Variants in ZCCHC14 observed in about 807,000 individuals in gnomAD.
ZCCHC14 encodes the protein zinc finger CCHC domain-containing protein 14.
Under a neutral mutation model 85.0 loss-of-function variants are expected in ZCCHC14, and 16 were observed. That is an observed-to-expected ratio of 0.19 (90% CI 0.13 to 0.29). ZCCHC14 has a LOEUF of 0.29. Ranked by LOEUF, ZCCHC14 falls within the 10% of genes least tolerant of loss-of-function variation. ZCCHC14 has a pLI of 1.00. For synonymous variants in ZCCHC14, 775 were observed against 630.7 expected (o/e 1.23, Z -3.43); for missense variants, 1,303 against 1,443.5 (o/e 0.90, Z 1.58).
chr16:87,467,559 C>A (rs1313423650), intron 1 of ZCCHC14: 15 of 1,568,716 alleles, frequency 9.6e-6, no homozygotes, highest in Non-Finnish European at 1.3e-5. Context: ...TGTCATCCCA[C>A]CAATTCCCGT....
At chr16:87,418,383 C>T (rs987831660) in intron 7 of ZCCHC14, among the ~76,000 whole-genome samples, 9 of 152,182 alleles carry the variant, frequency 5.9e-5, no homozygotes, top group East Asian at 1.9e-4. Context: ...CGAAACCTCG[C>T]GCCCAGACAA....
intron 11 of ZCCHC14, 28 bp downstream of exon 11, chr16:87,413,027 C>A: frequency 1.2e-6 from 2 of 1,614,092 alleles, no homozygotes; most frequent in South Asian, 2.2e-5. Flanking sequence ...TGGGCCAGGT[C>A]GAGCCAGCGC....
At chr16:87,464,636 C>T (rs556318430) in intron 1 of ZCCHC14, among the ~76,000 whole-genome samples, 2 of 152,336 alleles carry the variant, frequency 1.3e-5, no homozygotes, top group South Asian at 4.1e-4. Flanking sequence ...AGAATGGCAA[C>T]TGCTGGAAAA....
chr16:87,468,378 T>C (rs1333907607), intron 1 of ZCCHC14, among the ~76,000 whole-genome samples: 1 of 152,156 alleles, frequency 6.6e-6, no homozygotes, highest in Non-Finnish European at 1.5e-5. Context: ...AGAGTATGTG[T>C]CATCACATTG....
chr16:87,474,447 G>T (rs553576973), intron 1 of ZCCHC14: 12 of 152,248 alleles, frequency 7.9e-5, no homozygotes, highest in African/African-American at 2.9e-4. Context: ...ATTTATTTCT[G>T]CAACCCCTGG....
chr16:87,475,762 C>T (rs368034706), intron 1 of ZCCHC14, among the ~76,000 whole-genome samples: 1 of 152,042 alleles, frequency 6.6e-6, no homozygotes, highest in Non-Finnish European at 1.5e-5. Flanking sequence ...GCTTCAGGGA[C>T]AATATCACAC....
At chr16:87,461,687 G>C (rs750709463) in intron 1 of ZCCHC14, among the ~76,000 whole-genome samples, 2 of 152,244 alleles carry the variant, frequency 1.3e-5, no homozygotes, top group Non-Finnish European at 2.9e-5. Flanking sequence ...CAGACAGGAT[G>C]AAAGTGGAGG....
chr16:87,429,912 C>T (rs1909565130), intron 3 of ZCCHC14, among the ~76,000 whole-genome samples: 1 of 152,154 alleles, frequency 6.6e-6, no homozygotes, highest in South Asian at 2.1e-4. Context: ...CAGCCGGAGA[C>T]CCCATCTCTT....
chr16:87,482,327 G>A (rs1912318150), intron 1 of ZCCHC14, among the ~76,000 whole-genome samples: 1 of 152,174 alleles, frequency 6.6e-6, no homozygotes, highest in South Asian at 2.1e-4. Context: ...AGAAGAAAAA[G>A]GAGAGAAGTC....
chr16:87,462,064 T>G (rs1430708169), intron 1 of ZCCHC14, among the ~76,000 whole-genome samples: 1 of 151,072 alleles, frequency 6.6e-6, no homozygotes, highest in Admixed American at 6.6e-5. Flanking sequence ...AACTATGAGT[T>G]TGTTACTGGC....
chr16:87,431,858 C>T (rs1197781029), intron 3 of ZCCHC14, among the ~76,000 whole-genome samples: 7 of 152,158 alleles, frequency 4.6e-5, no homozygotes, highest in African/African-American at 1.4e-4. Context: ...CCCTGGGCTC[C>T]GCCTGGGCTG....
At chr16:87,460,337 G>A (rs1711753636) in intron 1 of ZCCHC14, among the ~76,000 whole-genome samples, 1 of 152,152 alleles carries the variant, frequency 6.6e-6, no homozygotes, top group Admixed American at 6.5e-5. Context: ...CAGATAACTT[G>A]AGTCAAACAC....
chr16:87,442,769 A>G (rs1488855348), intron 2 of ZCCHC14, among the ~76,000 whole-genome samples: 1 of 152,234 alleles, frequency 6.6e-6, no homozygotes, highest in Non-Finnish European at 1.5e-5. Context: ...ATCAAAAACA[A>G]TACATTACCT....
At chr16:87,467,198 T>C in intron 1 of ZCCHC14, 1 of 1,477,354 alleles carries the variant, frequency 6.8e-7, no homozygotes, top group South Asian at 1.1e-5. Context: ...AAGACTATTC[T>C]TCCTTTTAAA....
At chr16:87,427,306 C>T (rs1456140817) in intron 3 of ZCCHC14, among the ~76,000 whole-genome samples, 1 of 152,242 alleles carries the variant, frequency 6.6e-6, no homozygotes, top group South Asian at 2.1e-4. Context: ...CAGGTGTACA[C>T]GTGATAAAAA....
In ZCCHC14 at chr16:87,483,846, T is replaced by C. The variant is rs144769233; in HGVS notation, c.570+7823A>G. ...CTCCACAGGTAGACTTACCTGAATG[T>C]GAAAGGTCCCATCTGCTGTCTGTAA... On this transcript the variant is annotated intron_variant, in intron 1 of 12. Transcript: ENST00000671377. Among the ~76,000 whole-genome samples, 380 of 152,324 alleles carry C rather than the reference T, an allele frequency of 2.5e-3. 2 individuals are homozygous for C. Among genetic ancestry groups the C allele is most frequent in the African/African-American group, 8.7e-3 (362 of 41,570 alleles).
intron 1 of ZCCHC14, among the ~76,000 whole-genome samples, chr16:87,463,858 C>T (rs1012377231): frequency 1.3e-5 from 2 of 152,156 alleles, no homozygotes; most frequent in Admixed American, 6.5e-5. Flanking sequence ...TCTCTTCTGT[C>T]ACTCAGGCTG....
At chr16:87,448,766 G>A (rs1301206217) in intron 2 of ZCCHC14, among the ~76,000 whole-genome samples, 3 of 152,112 alleles carry the variant, frequency 2.0e-5, no homozygotes, top group African/African-American at 7.2e-5. Flanking sequence ...TCCCTAAGTA[G>A]GATGCTTATC....
chr16:87,477,959 C>G (rs770568981), intron 1 of ZCCHC14, among the ~76,000 whole-genome samples: 2 of 152,024 alleles, frequency 1.3e-5, no homozygotes, highest in African/African-American at 4.8e-5. Flanking sequence ...CTCCACACAT[C>G]GCTCCCGAGT....
Sources: allele counts gnomAD v4.1 joint callset (sites outside exome capture counted in the v4.1 genomes callset), GRCh38; gene constraint gnomAD v4.1.1; transcripts MANE v1.5; gene names NCBI Gene and HGNC (gene_info 2026-07-23, HGNC 2026-07-21).